Variants in PTPRD observed in about 807,000 individuals in gnomAD.
The protein encoded by PTPRD is protein tyrosine phosphatase receptor type D.
In PTPRD, 34 loss-of-function variants were observed where a neutral mutation model predicts 214.5. The ratio of observed to expected loss-of-function variants is 0.16; its 90% CI spans 0.12 to 0.21. The LOEUF is 0.21. Ranked by LOEUF, PTPRD falls within the 10% of genes least tolerant of loss-of-function variation. PTPRD has a pLI of 1.00. For missense variants in PTPRD, 2,545 were observed against 2,398.7 expected (o/e 1.06, Z -1.27); for synonymous variants, 1,128 against 845.7 (o/e 1.33, Z -5.79).
chr9:9,577,295 G>A (rs1030376841), intron 7 of PTPRD, among the ~76,000 whole-genome samples: 5 of 152,138 alleles, frequency 3.3e-5, no homozygotes, highest in African/African-American at 1.2e-4. Flanking sequence ...TGGGCATGGT[G>A]GCTAATGTCT....
chr9:10,122,329 A>G (rs1471843818), intron 3 of PTPRD, among the ~76,000 whole-genome samples: 2 of 152,308 alleles, frequency 1.3e-5, no homozygotes, highest in East Asian at 3.9e-4. Flanking sequence ...ATTTCTTGCA[A>G]TTATGCAATT....
chr9:8,777,063 C>T (rs922520455), intron 11 of PTPRD, among the ~76,000 whole-genome samples: 2 of 151,540 alleles, frequency 1.3e-5, no homozygotes, highest in African/African-American at 4.9e-5. Context: ...TCACTGCTGC[C>T]TCAACCTCCT....
At chr9:8,931,848 T>C (rs2098954881) in intron 11 of PTPRD, among the ~76,000 whole-genome samples, 1 of 152,168 alleles carries the variant, frequency 6.6e-6, no homozygotes, top group South Asian at 2.1e-4. Flanking sequence ...CAGAACTTGT[T>C]ATTGGCTTAT....
chr9:8,825,091 G>T (rs1184345557), intron 11 of PTPRD, among the ~76,000 whole-genome samples: 1 of 152,070 alleles, frequency 6.6e-6, no homozygotes, highest in African/African-American at 2.4e-5. Flanking sequence ...CCATGAGTTT[G>T]TACCTTTAAA....
At chr9:8,721,551 T>C (rs1386060136) in intron 12 of PTPRD, among the ~76,000 whole-genome samples, 1 of 152,066 alleles carries the variant, frequency 6.6e-6, no homozygotes, top group African/African-American at 2.4e-5. Context: ...AAAAATAAAA[T>C]ATTAACAAAA....
intron 33 of PTPRD, among the ~76,000 whole-genome samples, chr9:8,452,454 T>C (rs1886020): frequency 0.028 from 4,299 of 152,306 alleles, 115 homozygotes; most frequent in Admixed American, 0.091. Flanking sequence ...AGACATATAA[T>C]GGTCTAAATT....
chr9:8,929,012 G>A (rs1268860178), intron 11 of PTPRD, among the ~76,000 whole-genome samples: 2 of 152,158 alleles, frequency 1.3e-5, no homozygotes, highest in Admixed American at 6.5e-5. Flanking sequence ...GTATAGGAAT[G>A]CCTGTGATTT....
At chr9:9,310,137 G>A (rs1411175851) in intron 9 of PTPRD, among the ~76,000 whole-genome samples, 1 of 152,116 alleles carries the variant, frequency 6.6e-6, no homozygotes, top group Non-Finnish European at 1.5e-5. Flanking sequence ...GTATACTAAG[G>A]CAGCAAGGTC....
chr9:10,470,177 C>G (rs1316754000), intron 2 of PTPRD, among the ~76,000 whole-genome samples: 1 of 151,882 alleles, frequency 6.6e-6, no homozygotes, highest in East Asian at 1.9e-4. Context: ...GCTAAATACC[C>G]ACATTTGATC....
intron 10 of PTPRD, among the ~76,000 whole-genome samples, chr9:9,034,977 C>G (rs1262814504): frequency 6.6e-6 from 1 of 152,092 alleles, no homozygotes; most frequent in African/African-American, 2.4e-5. Context: ...ATTCTCATCT[C>G]TTTGCAGGAG....
intron 5 of PTPRD, among the ~76,000 whole-genome samples, chr9:9,929,089 T>A (rs1425775329): frequency 6.6e-6 from 1 of 152,130 alleles, no homozygotes; most frequent in Non-Finnish European, 1.5e-5. Context: ...ATAGATACCA[T>A]ATCTGTCCGC....
chr9:9,080,786 G>A (rs142599510), intron 10 of PTPRD, among the ~76,000 whole-genome samples: 2,477 of 152,224 alleles, frequency 0.016, 80 homozygotes, highest in African/African-American at 0.057. Context: ...TATTTGCATA[G>A]AGGTGTTTAC....
intron 11 of PTPRD, chr9:8,797,033 C>T (rs2096449191): frequency 6.6e-6 from 1 of 151,936 alleles, no homozygotes. Context: ...GTCCATTCCC[C>T]AACCATTTGG....
chr9:9,882,450 C>T (rs1164492133), intron 5 of PTPRD, among the ~76,000 whole-genome samples: 2 of 152,068 alleles, frequency 1.3e-5, no homozygotes, highest in Non-Finnish European at 2.9e-5. Context: ...GTAGTCCCAC[C>T]ATTCTAGGCT....
chr9:8,506,022 T>C (rs1325896906), intron 22 of PTPRD, among the ~76,000 whole-genome samples: 1 of 152,228 alleles, frequency 6.6e-6, no homozygotes, highest in African/African-American at 2.4e-5. Context: ...TGATTTATAT[T>C]GGCTTTGTTA....
intron 9 of PTPRD, among the ~76,000 whole-genome samples, chr9:9,353,779 A>T (rs777192072): frequency 8.6e-5 from 13 of 151,850 alleles, no homozygotes; most frequent in Non-Finnish European, 1.2e-4. Flanking sequence ...ATTACCACAA[A>T]GTTGGCAGCT....
chr9:9,757,154 A>G (rs953469949), intron 6 of PTPRD, among the ~76,000 whole-genome samples: 1 of 152,216 alleles, frequency 6.6e-6, no homozygotes, highest in Non-Finnish European at 1.5e-5. Context: ...CTTTATGACC[A>G]TTCCTTAGCA....
chr9:9,854,354 G>C (rs1373195253), intron 5 of PTPRD, among the ~76,000 whole-genome samples: 2 of 152,016 alleles, frequency 1.3e-5, no homozygotes, highest in Non-Finnish European at 1.5e-5. Flanking sequence ...TTTAATCATA[G>C]GTCCTGGAAT....
chr9:9,674,287 C>T (rs2154391871), intron 7 of PTPRD, among the ~76,000 whole-genome samples: 1 of 151,702 alleles, frequency 6.6e-6, no homozygotes, highest in South Asian at 2.1e-4. Context: ...TTAAACTTTG[C>T]AATGTATATT....
Sources: allele counts gnomAD v4.1 joint callset (sites outside exome capture counted in the v4.1 genomes callset), GRCh38; gene constraint gnomAD v4.1.1; transcripts MANE v1.5; gene names NCBI Gene and HGNC (gene_info 2026-07-23, HGNC 2026-07-21).